NDUFA10: variants seen among roughly 807,000 people sequenced by gnomAD.
NDUFA10 encodes NADH:ubiquinone oxidoreductase subunit A10, also known as NADH dehydrogenase [ubiquinone] 1 alpha subcomplex subunit 10, mitochondrial.
NDUFA10 carries 40 observed loss-of-function variants against 47.8 expected under a neutral mutation model. The ratio of observed to expected loss-of-function variants is 0.84; its 90% CI spans 0.65 to 1.09. NDUFA10 has a LOEUF of 1.09. Among genes scored for constraint, NDUFA10 ranks in the 50% least tolerant of loss-of-function variants. The pLI is 0.00. For missense variants in NDUFA10, 413 were observed against 451.1 expected, an observed-to-expected ratio of 0.92 and a Z score of 0.76; for synonymous variants, 183 against 172.2, an observed-to-expected ratio of 1.06 and a Z score of -0.49.
chr2:240,004,194 C>T (rs921668066), intron 8 of NDUFA10, among the ~76,000 whole-genome samples: 5 of 151,998 alleles, frequency 3.3e-5, no homozygotes, highest in Admixed American at 1.3e-4. Context: ...AGAGGGGCAG[C>T]GGTGCTGCTT....
intron 4 of NDUFA10, among the ~76,000 whole-genome samples, chr2:239,939,155 C>T (rs759858374): frequency 1.2e-4 from 18 of 152,196 alleles, no homozygotes; most frequent in African/African-American, 1.7e-4. Flanking sequence ...TCCAGCTGCC[C>T]GCGTTTCATG....
At chr2:240,009,083 G>A (rs1160857802) in intron 6 of NDUFA10, among the ~76,000 whole-genome samples, 1 of 152,148 alleles carries the variant, frequency 6.6e-6, no homozygotes, top group African/African-American at 2.4e-5. Flanking sequence ...CAGGGCCGAG[G>A]AGAGCCACAA....
chr2:239,936,159 G>A (rs1340056430), intron 4 of NDUFA10, among the ~76,000 whole-genome samples: 1 of 152,226 alleles, frequency 6.6e-6, no homozygotes, highest in African/African-American at 2.4e-5. Flanking sequence ...AGTGAACAGT[G>A]ACTGTTGGTC....
At chr2:239,950,739 G>A (rs551037130) in intron 4 of NDUFA10, among the ~76,000 whole-genome samples, 35 of 152,304 alleles carry the variant, frequency 2.3e-4, no homozygotes, top group African/African-American at 7.7e-4. Flanking sequence ...AGTGGCAGCC[G>A]CACGCCTGTC....
At chr2:239,998,988 G>A (rs1390662481) in intron 8 of NDUFA10, among the ~76,000 whole-genome samples, 4 of 152,186 alleles carry the variant, frequency 2.6e-5, no homozygotes, top group Non-Finnish European at 5.9e-5. Flanking sequence ...CACAGGCTCA[G>A]GATGCTGCAC....
At chr2:239,954,611 A>G (rs944187564), downstream of NDUFA10, among the ~76,000 whole-genome samples, 1 of 152,264 alleles carries the variant, frequency 6.6e-6, no homozygotes, top group Non-Finnish European at 1.5e-5. Context: ...CAGAGGCTGC[A>G]TATTTACCCA....
intron 8 of NDUFA10, among the ~76,000 whole-genome samples, chr2:240,001,124 G>A (rs2106463318): frequency 6.6e-6 from 1 of 152,248 alleles, no homozygotes; most frequent in East Asian, 1.9e-4. Flanking sequence ...GGCATGCACA[G>A]AAAAAAATAT....
intron 9 of NDUFA10, chr2:239,983,510 T>C (rs754107282): frequency 6.3e-6 from 10 of 1,596,552 alleles, no homozygotes; most frequent in Non-Finnish European, 6.8e-6. Context: ...AGTCAGACAA[T>C]TCTTACTCAA....
intron 4 of NDUFA10, among the ~76,000 whole-genome samples, chr2:239,931,341 C>T (rs11693812): frequency 0.13 from 20,473 of 152,278 alleles, 1,446 homozygotes; most frequent in South Asian, 0.15. Flanking sequence ...ACACAGCCCC[C>T]TCCCTCTCCT....
At chr2:239,974,251 C>G (rs1695420340) in intron 9 of NDUFA10, among the ~76,000 whole-genome samples, 1 of 152,168 alleles carries the variant, frequency 6.6e-6, no homozygotes, top group Admixed American at 6.5e-5. Context: ...TAGATGAAAA[C>G]TTGGATTCCT....
intron 4 of NDUFA10, among the ~76,000 whole-genome samples, chr2:239,927,263 G>T (rs774285559): frequency 6.6e-6 from 1 of 152,128 alleles, no homozygotes; most frequent in Non-Finnish European, 1.5e-5. Context: ...TATGAAGAAA[G>T]AATATAGAGC....
At chr2:239,978,066 C>T (rs1695600359) in intron 9 of NDUFA10, among the ~76,000 whole-genome samples, 1 of 152,066 alleles carries the variant, frequency 6.6e-6, no homozygotes. Flanking sequence ...TGAGAGGCCT[C>T]CCTGCCTCTG....
At chr2:239,950,837 A>T (rs1694539116) in intron 4 of NDUFA10, among the ~76,000 whole-genome samples, 1 of 152,168 alleles carries the variant, frequency 6.6e-6, no homozygotes, top group Non-Finnish European at 1.5e-5. Context: ...CCATTCTGTG[A>T]TTCAAGTAGG....
chr2:239,983,386 A>G (rs1695863779), intron 9 of NDUFA10: 1 of 1,399,968 alleles, frequency 7.1e-7, no homozygotes, highest in Admixed American at 2.5e-5. Flanking sequence ...CTGATGGACA[A>G]AAGGAATTCT....
chr2:240,000,966 G>A (rs529469854), intron 8 of NDUFA10, among the ~76,000 whole-genome samples: 4 of 152,358 alleles, frequency 2.6e-5, no homozygotes, highest in East Asian at 1.9e-4. Context: ...CTGTCGTTAA[G>A]CAACACAGAA....
At chr2:239,982,308 T>C in intron 9 of NDUFA10, 1 of 1,550,514 alleles carries the variant, frequency 6.4e-7, no homozygotes, top group South Asian at 1.2e-5. Flanking sequence ...TTTGCAATTT[T>C]CATAAAGCAA....
At chr2:239,991,671 A>G (rs1351775052) in intron 8 of NDUFA10, among the ~76,000 whole-genome samples, 3 of 152,208 alleles carry the variant, frequency 2.0e-5, no homozygotes, top group Admixed American at 6.5e-5. Flanking sequence ...TCAATAATCT[A>G]CAAGTACGTA....
At chr2:239,976,065 T>C (rs1347380404) in intron 9 of NDUFA10, among the ~76,000 whole-genome samples, 1 of 152,202 alleles carries the variant, frequency 6.6e-6, no homozygotes, top group Non-Finnish European at 1.5e-5. Flanking sequence ...ATCCTCAGTA[T>C]CTATGAATCT....
intron 8 of NDUFA10, among the ~76,000 whole-genome samples, chr2:239,999,103 C>T (rs1355636386): frequency 6.6e-6 from 1 of 152,118 alleles, no homozygotes; most frequent in African/African-American, 2.4e-5. Context: ...ACCACAGAAG[C>T]GGGGACTCCA....
Sources: gnomAD v4.1 joint callset for allele counts (sites outside exome capture counted in the v4.1 genomes callset) on GRCh38, gnomAD v4.1.1 for gene constraint, MANE v1.5 for transcripts, NCBI Gene and HGNC (gene_info 2026-07-23, HGNC 2026-07-21) for gene names.